Variants in STAT5B observed in about 807,000 individuals in gnomAD.
STAT5B encodes signal transducer and activator of transcription 5B.
A neutral mutation model predicts 107.8 loss-of-function variants in STAT5B; 21 were observed. The observed-to-expected ratio is 0.19, with a 90% CI of 0.14 to 0.28. The LOEUF is 0.28. Among genes scored for constraint, STAT5B ranks in the 10% least tolerant of loss-of-function variants. The pLI, the probability that STAT5B is intolerant of heterozygous loss-of-function variation, is 1.00. For missense variants in STAT5B, 565 were observed against 1,008.2 expected (o/e 0.56, Z 5.95); for synonymous variants, 325 against 401.7 (o/e 0.81, Z 2.28).
intron 12 of STAT5B, 84 bp from the exon 13 acceptor site, chr17:42,212,274 C>A: frequency 1.2e-6 from 2 of 1,603,046 alleles, no homozygotes; most frequent in Non-Finnish European, 1.7e-6. Context: ...ACGCTGATGG[C>A]TGGGAGTGGT....
the STAT5B span, among the ~76,000 whole-genome samples, chr17:42,283,350 CT>C: frequency 6.6e-6 from 1 of 152,284 alleles, no homozygotes; most frequent in South Asian, 2.1e-4. Context: ...AATGAGGGGG[CT>C]GCAAAGGGTG....
the STAT5B span, among the ~76,000 whole-genome samples, chr17:42,285,292 A>G: frequency 1.3e-5 from 2 of 152,068 alleles, no homozygotes; most frequent in African/African-American, 4.8e-5. Flanking sequence ...AGGTTTCACC[A>G]TGTTGGTCAG....
chr17:42,209,402 C>T (rs150461568), intron 15 of STAT5B, among the ~76,000 whole-genome samples: 1 of 152,310 alleles, frequency 6.6e-6, no homozygotes, highest in Non-Finnish European at 1.5e-5. Context: ...CAGCAAGCTA[C>T]CCTTATTGTG....
chr17:42,218,671 G>A, intron 8 of STAT5B, 52 bp downstream of exon 8: 15 of 1,611,686 alleles, frequency 9.3e-6, no homozygotes, highest in Admixed American at 3.3e-5. Context: ...CTCCCCCCAC[G>A]CAGGCAGGAG....
At position 42,226,182 on chromosome 17, in the gene STAT5B, G is replaced by A. The variant is rs372208445; in HGVS notation, c.286-1314C>T. On this transcript the variant is annotated intron_variant, in intron 3 of 18. Coordinates refer to ENST00000293328, the MANE Select transcript of STAT5B (RefSeq NM_012448.4). ...ACTCCTGACCTCAGATGATTCACCCGCCTCAGCCTCCCAAAGTGCTGGGAT... is the reference window on the plus strand; with the variant it reads ...ACTCCTGACCTCAGATGATTCACCCACCTCAGCCTCCCAAAGTGCTGGGAT... Among the ~76,000 whole-genome samples, 79 of 152,108 alleles carry A rather than the reference G, an allele frequency of 5.2e-4. No homozygotes were observed. The East Asian group carries it at 6.4e-3, about 12-fold the overall frequency.
rs2080117735 is a variant in STAT5B, at chr17:42,210,262, G to C, written c.1815C>G (p.Asp605Glu). ...TCCCATCTGGCTTGTTAATGAGTAG[G>C]TCATGGGCCTGTTGCTTGTTTACAA... ...LGFVNKQQAH[D>E]LLINKPDGTF... Residue 605 changes from aspartate (D) to glutamate (E), a missense_variant, in exon 15 of 19, where the codon GAC (aspartate) becomes GAG (glutamate). Around this residue, in one of 11 missense-constraint regions of STAT5B, gnomAD observed 7 missense variants for 45.6 expected, o/e 0.15. Coordinates refer to ENST00000293328, the MANE Select transcript of STAT5B (RefSeq NM_012448.4). 1 of 1,614,040 alleles carries C rather than the reference G, an allele frequency of 6.2e-7. No homozygotes were observed. Among genetic ancestry groups the C allele is most frequent in the Non-Finnish European group, 8.5e-7 (1 of 1,180,040 alleles).
At chr17:42,255,600 G>A (rs561451359) in intron 1 of STAT5B, among the ~76,000 whole-genome samples, 3 of 152,338 alleles carry the variant, frequency 2.0e-5, no homozygotes, top group South Asian at 2.1e-4. Flanking sequence ...GCCTGGAGTA[G>A]TCAAACTCAT....
intron 4 of STAT5B, among the ~76,000 whole-genome samples, chr17:42,224,047 G>A (rs2080253113): frequency 6.6e-6 from 1 of 152,036 alleles, no homozygotes; most frequent in Non-Finnish European, 1.5e-5. Flanking sequence ...TTCCACCATG[G>A]AAGAGGCCAA....
At chr17:42,213,889 C>G (rs193289586) in intron 12 of STAT5B, among the ~76,000 whole-genome samples, 5 of 150,596 alleles carry the variant, frequency 3.3e-5, no homozygotes, top group Admixed American at 1.3e-4. Context: ...TGCCTATAAT[C>G]CCAGCACTTT....
At chr17:42,236,420 C>T (rs938965597) in intron 1 of STAT5B, among the ~76,000 whole-genome samples, 2 of 152,186 alleles carry the variant, frequency 1.3e-5, no homozygotes, top group Non-Finnish European at 2.9e-5. Flanking sequence ...GTGAATAACA[C>T]CTAGAAGCTA....
chr17:42,257,977 G>T (rs1481903842), intron 1 of STAT5B, among the ~76,000 whole-genome samples: 2 of 152,130 alleles, frequency 1.3e-5, no homozygotes, highest in African/African-American at 4.8e-5. Context: ...GAATTATAAT[G>T]AATTTTAAAT....
At chr17:42,216,772 C>T (rs1194273320) in intron 11 of STAT5B, among the ~76,000 whole-genome samples, 2 of 151,702 alleles carry the variant, frequency 1.3e-5, no homozygotes, top group Non-Finnish European at 2.9e-5. Context: ...TTCATTACAA[C>T]CTCAGCCTCC....
At chr17:42,244,855 T>C (rs2080437410) in intron 1 of STAT5B, among the ~76,000 whole-genome samples, 1 of 152,170 alleles carries the variant, frequency 6.6e-6, no homozygotes, top group South Asian at 2.1e-4. Flanking sequence ...ATATAAAAGC[T>C]ATGTTGAAAT....
intron 12 of STAT5B, among the ~76,000 whole-genome samples, chr17:42,213,524 A>ATTT: frequency 6.8e-6 from 1 of 147,130 alleles, no homozygotes; most frequent in South Asian, 2.1e-4. Flanking sequence ...TTTATTATTT[A>ATTT]TTTTTTATTT....
chr17:42,201,800 G>A lies in STAT5B; in HGVS notation c.2302C>T (p.Arg768Cys). ...DLEDTMDVAR[R>C]VEELLGRPMD... is the part of the protein sequence containing the mutation. ...GGCCGGCCCAGGAGCTCCTCCACAC[G>A]CCGCGCTACGTCCATTGTGTCCTCC... Residue 768 changes from arginine (R) to cysteine (C), a missense_variant, in exon 19 of 19, where the codon CGT becomes TGT. This residue lies in a region of STAT5B where 76 missense variants were observed against 110.2 expected (regional missense o/e 0.69). Coordinates refer to ENST00000293328, the MANE Select transcript of STAT5B (RefSeq NM_012448.4). 1 of 1,614,064 alleles carries A rather than the reference G, an allele frequency of 6.2e-7. No individual in the cohort carries two copies. Among genetic ancestry groups the A allele is most frequent in the Non-Finnish European group, 8.5e-7 (1 of 1,179,986 alleles).
chr17:42,270,296 T>C (rs962637181), intron 1 of STAT5B, among the ~76,000 whole-genome samples: 13 of 152,164 alleles, frequency 8.5e-5, no homozygotes, highest in African/African-American at 3.1e-4. Context: ...AAAGCTTTAA[T>C]GCAACAAGAA....
chr17:42,276,513 G>A (rs1469560566), upstream of STAT5B: 8 of 150,836 alleles, frequency 5.3e-5, no homozygotes, highest in African/African-American at 1.2e-4. This position sits in a 1 kb window ranked among gnomAD's most constrained non-coding sequence, Gnocchi z 4.8. Context: ...GCGCGCGCTC[G>A]CTAGCCCGCT....
intron 3 of STAT5B, among the ~76,000 whole-genome samples, chr17:42,227,254 G>A (rs531048693): frequency 6.6e-5 from 10 of 151,440 alleles, no homozygotes; most frequent in South Asian, 4.1e-4. Flanking sequence ...CGTGTGTGTC[G>A]AGAGACAGCG....
intron 1 of STAT5B, among the ~76,000 whole-genome samples, chr17:42,247,857 G>A (rs1218788818): frequency 1.3e-5 from 2 of 151,618 alleles, no homozygotes; most frequent in Non-Finnish European, 2.9e-5. Context: ...GGAGGATGAG[G>A]TGGGAGAATC....
Sources: gnomAD v4.1 joint callset for allele counts (sites outside exome capture counted in the v4.1 genomes callset) on GRCh38, gnomAD v4.1.1 for gene constraint, gnomAD v4.1.1 regional missense constraint, Gnocchi (gnomAD v3.1) non-coding constraint, MANE v1.5 for transcripts, NCBI Gene and HGNC (gene_info 2026-07-23, HGNC 2026-07-21) for gene names.